The following CHD4 variants were observed in gnomAD, a reference collection of about 807,000 sequenced individuals.
CHD4 encodes the protein ATP-dependent chromatin remodeler CHD4.
In CHD4, 35 loss-of-function variants were observed where a neutral mutation model predicts 235.5. That is an observed-to-expected ratio of 0.15 (90% CI 0.11 to 0.20). The LOEUF (loss-of-function observed/expected upper bound fraction) is 0.20. Among genes scored for constraint, CHD4 ranks in the 10% least tolerant of loss-of-function variants. CHD4 has a pLI of 1.00. For synonymous variants in CHD4, 900 were observed against 850.2 expected (o/e 1.06, Z -1.02); for missense variants, 1,329 against 2,432.3 (o/e 0.55, Z 9.54).
At position 6,606,282 on chromosome 12, in the gene CHD4, G is replaced by C. The variant is rs138912992; in HGVS notation, c.92C>G (p.Pro31Arg). Reference protein sequence around the residue: ...DALLNNSLPPPHPENEEDPEE... With the variant: ...DALLNNSLPPRHPENEEDPEE... Reference sequence around the variant, plus strand: ...CTTGGGGAAGATGTTACCTGGGTGGGGTGGGGGCAGGCTGTTGTTCAAAAG... The same window carrying C: ...CTTGGGGAAGATGTTACCTGGGTGGCGTGGGGGCAGGCTGTTGTTCAAAAG... The change falls in exon 2 of 40, where the codon CCC (proline) becomes CGC (arginine). Residue 31 changes from proline to arginine, a missense_variant. Transcript: ENST00000544040. 3.2e-6 allele frequency: 5 copies of C among 1,575,548 alleles called. No homozygotes were observed. The African/African-American group carries it at 4.2e-5, about 13-fold the overall frequency.
intron 11 of CHD4, 51 bp from the exon 12 acceptor site, chr12:6,598,150 C>T: frequency 1.2e-6 from 2 of 1,612,242 alleles, no homozygotes; most frequent in Non-Finnish European, 1.7e-6. Context: ...TTCATTCCTT[C>T]TATCCACAAG....
chr12:6,582,239 C>T lies in CHD4; in HGVS notation c.4413G>A (p.Gly1471=), dbSNP rs921666690. ...SLFMRHLCEP[G]ADGAETFADG... ...CAGCAAAGGTCTCAGCCCCATCTGC[C>T]CCCGGCTCACATAAATGCCGCATGA... Residue 1471 remains glycine, a synonymous_variant, in exon 30 of 40, where the codon GGG becomes GGA. Coordinates refer to ENST00000544040, the MANE Select transcript of CHD4 (RefSeq NM_001273.5). The T allele has an allele frequency of 6.2e-7, 1 of 1,600,240 alleles. No individual in the cohort carries two copies. Among genetic ancestry groups the T allele is most frequent in the Admixed American group, 1.8e-5 (1 of 56,254 alleles).
chr12:6,604,511 A>T (rs1948656553), intron 2 of CHD4, among the ~76,000 whole-genome samples: 2 of 151,924 alleles, frequency 1.3e-5, no homozygotes, highest in African/African-American at 4.8e-5. Flanking sequence ...ATCAGCCTGG[A>T]TTTCACCAGA....
chr12:6,597,838 T>C (rs1948526344), intron 12 of CHD4, 56 bp downstream of exon 12: 2 of 1,486,916 alleles, frequency 1.3e-6, no homozygotes, highest in Non-Finnish European at 1.9e-6. Flanking sequence ...TTTCCCAATC[T>C]CTTTAGCAGG....
At chr12:6,571,226 GCT>G (rs1228922681) in intron 38 of CHD4, 194 bp from the exon 39 acceptor site, 1 of 608,730 alleles carries the variant, frequency 1.6e-6, no homozygotes, top group African/African-American at 1.9e-5. Flanking sequence ...ATGATTTTGT[GCT>G]TTTTAAAGTC....
At position 6,591,455 on chromosome 12, in the gene CHD4, T is replaced by TTC. The variant is rs1425781828; in HGVS notation, c.3340+9_3340+10dup. The stretch of plus-strand genomic sequence containing the variant: ...AGGATTCCTGAAACTAAACAACTCC[T>TTC]TCTCTCTCACCATTGAAGCGGTCAA... On this transcript the variant is annotated intron_variant, in intron 22 of 39. Transcript: ENST00000544040. 5.0e-6 allele frequency: 8 copies of TTC among 1,606,612 alleles called. No homozygotes were observed. The African/African-American group carries it at 6.7e-5, about 13-fold the overall frequency.
chr12:6,597,530 A>G (rs1366738407), intron 12 of CHD4, among the ~76,000 whole-genome samples: 1 of 152,108 alleles, frequency 6.6e-6, no homozygotes, highest in Non-Finnish European at 1.5e-5. Flanking sequence ...TAGGGAGGCC[A>G]AGGCAGGCAG....
chr12:6,601,606 G>A, intron 5 of CHD4, 42 bp downstream of exon 5: 1 of 1,613,360 alleles, frequency 6.2e-7, no homozygotes, highest in East Asian at 2.2e-5. Context: ...AGAGAGAACA[G>A]AAAGATTCTC....
chr12:6,595,175 T>C lies in CHD4; in HGVS notation c.2121+159A>G, dbSNP rs577137374. 4.6e-5 allele frequency among the ~76,000 whole-genome samples: 7 copies of C among 152,138 alleles called. No homozygotes were observed. In the South Asian group the frequency reaches 1.2e-3, roughly 27 times the overall value. ...AGAAAGTAATCCTAGTGCTTTCTGA[T>C]ATATAGAGATGTGGAGAAGTGGGGA... is the stretch of plus-strand genomic sequence containing the variant. On this transcript the variant is annotated intron_variant, in intron 14 of 39. Coordinates refer to ENST00000544040, the MANE Select transcript of CHD4 (RefSeq NM_001273.5).
At chr12:6,575,635 A>G (rs192316870) in intron 37 of CHD4, among the ~76,000 whole-genome samples, 3 of 152,102 alleles carry the variant, frequency 2.0e-5, no homozygotes, top group African/African-American at 7.2e-5. Flanking sequence ...TCATGATTAT[A>G]TGACAGTTTT....
At chr12:6,588,502 G>GT (rs1948338883) in intron 22 of CHD4, 80 bp from the exon 23 acceptor site, 1 of 1,517,154 alleles carries the variant, frequency 6.6e-7, no homozygotes. Context: ...ATTAAGCCGG[G>GT]GGCAGTGGCT....
chr12:6,603,250 C>G (rs1360191124), intron 2 of CHD4: 1 of 152,466 alleles, frequency 6.6e-6, no homozygotes, highest in Non-Finnish European at 1.5e-5. Context: ...ACACACAAAG[C>G]CTGGGTAAGA....
rs370585666 is a variant in CHD4 at position 6,606,375 on chromosome 12, C to T, written c.-2G>A. ...CGGGGAGCCCAGGCCCGACGCCATC[C>T]CCTTCCGCTCCCGGCCAGGGAATTG... On this transcript the variant is annotated 5_prime_UTR_variant, in exon 2 of 40. Transcript: ENST00000544040. 2.7e-5 allele frequency: 43 copies of T among 1,567,964 alleles called. No individual in the cohort carries two copies. The highest frequency in any genetic ancestry group is 3.5e-5 in the Non-Finnish European group (41 of 1,159,962).
chr12:6,603,892 G>C (rs527455442), intron 2 of CHD4, among the ~76,000 whole-genome samples: 290 of 152,240 alleles, frequency 1.9e-3, no homozygotes, highest in African/African-American at 6.2e-3. Context: ...AGTCTCTGAA[G>C]CTCAGCTTCC....
In CHD4 at chr12:6,583,235, T is replaced by C. The variant is rs1201968614; in HGVS notation, c.4023A>G (p.Lys1341=). ...GGGAGCCATCATTGTAGTTGACCTG[T>C]TTACGGATTCTTTTTCCTTTGCCCA... is the stretch of plus-strand genomic sequence containing the variant. ...RNLGKGKRIR[K]QVNYNDGSQE... The change falls in exon 26 of 40, where the codon AAA becomes AAG. Residue 1341 remains lysine (K), a synonymous_variant. Coordinates refer to ENST00000544040, the MANE Select transcript of CHD4 (RefSeq NM_001273.5). 12 of 1,614,064 alleles carry C rather than the reference T, an allele frequency of 7.4e-6. No individual in the cohort carries two copies. The highest frequency in any genetic ancestry group is 1.0e-5 in the Non-Finnish European group (12 of 1,180,040).
In CHD4 at chr12:6,581,274, G is replaced by A. The variant is rs1408196303; in HGVS notation, c.4779+17C>T. On this transcript the variant is annotated intron_variant, in intron 32 of 39. Transcript: ENST00000544040. Reference sequence around the variant, plus strand: ...ACATTTGTCTTTAGTATGGCATTCAGTCACCCCATCTCTTACCTCAATGGC... The same window carrying A: ...ACATTTGTCTTTAGTATGGCATTCAATCACCCCATCTCTTACCTCAATGGC... 1.2e-6 allele frequency: 2 copies of A among 1,613,900 alleles called. No homozygotes were observed. The highest frequency in any genetic ancestry group is 1.7e-6 in the Non-Finnish European group (2 of 1,179,930).
chr12:6,599,297 T>C (rs1948549775), intron 10 of CHD4, among the ~76,000 whole-genome samples: 1 of 151,682 alleles, frequency 6.6e-6, no homozygotes, highest in South Asian at 2.1e-4. Context: ...ATTAGCTGGA[T>C]GTGGTGGCAT....
At position 6,603,321 on chromosome 12, in the gene CHD4, C is replaced by T. The variant is rs1005591464; in HGVS notation, c.101-824G>A. 3.3e-5 allele frequency among the ~76,000 whole-genome samples: 5 copies of T among 152,222 alleles called. No homozygotes were observed. In the South Asian group the frequency reaches 1.0e-3, roughly 32 times the overall value. ...CACAGAGAAGACCAGGAGGCAGCTT[C>T]CTTTGTAACAGACATTCACACTGGC... On this transcript the variant is annotated intron_variant, in intron 2 of 39. Transcript: ENST00000544040.
chr12:6,604,868 C>G (rs1948663059), intron 2 of CHD4, among the ~76,000 whole-genome samples: 1 of 152,120 alleles, frequency 6.6e-6, no homozygotes, highest in Non-Finnish European at 1.5e-5. Context: ...CCCAAGTGGC[C>G]AATGGGAGGC....
Sources: gnomAD v4.1 joint callset for allele counts (sites outside exome capture counted in the v4.1 genomes callset) on GRCh38, gnomAD v4.1.1 for gene constraint, MANE v1.5 for transcripts, NCBI Gene and HGNC (gene_info 2026-07-23, HGNC 2026-07-21) for gene names.